TNXB: variants seen among roughly 807,000 people sequenced by gnomAD.
TNXB encodes the protein tenascin XB.
A neutral mutation model predicts 340.5 loss-of-function variants in TNXB; 183 were observed. The ratio of observed to expected loss-of-function variants is 0.54; its 90% CI spans 0.48 to 0.61. The LOEUF (loss-of-function observed/expected upper bound fraction) is 0.61. Ranked by LOEUF, TNXB falls within the 20% of genes least tolerant of loss-of-function variation. The pLI, the probability that TNXB is intolerant of heterozygous loss-of-function variation, is 0.00. For synonymous variants in TNXB, 2,121 were observed against 2,314.5 expected, an observed-to-expected ratio of 0.92 and a Z score of 2.40; for missense variants, 4,613 against 5,446.4, an observed-to-expected ratio of 0.85 and a Z score of 4.82.
rs141238334 is a variant in TNXB, at chr6:32,091,674, A to G, written c.2359-2295T>C. On this transcript the variant is annotated intron_variant, in intron 4 of 43. Transcript: ENST00000644971. ...TTTTTAGTAGAGATGGGGTTTCACT[A>G]TGTTGGTCAGGCTGTTCTCAAACTC... is the stretch of plus-strand genomic sequence containing the variant. Among the ~76,000 whole-genome samples the G allele has an allele frequency of 4.7e-3, 708 of 151,370 alleles. 4 individuals carry two copies. The highest frequency in any genetic ancestry group is 0.021 in the Middle Eastern group (6 of 292).
chr6:32,105,648 T>C (rs1182392314), intron 1 of TNXB, among the ~76,000 whole-genome samples: 1 of 152,178 alleles, frequency 6.6e-6, no homozygotes, highest in Non-Finnish European at 1.5e-5. Flanking sequence ...ACGGACAGTG[T>C]CTGGGACTGG....
At chr6:32,041,725 C>G (rs1166182809) in intron 43 of TNXB, 46 bp downstream of exon 43, 2 of 873,880 alleles carry the variant, frequency 2.3e-6, no homozygotes, top group African/African-American at 1.6e-5. Flanking sequence ...CCTAGGCAGG[C>G]CGAGCCCCAG....
chr6:32,079,235 G>A lies in TNXB; in HGVS notation c.4173C>T (p.Phe1391=). ...TGSSPDSLSL[F]WTVPQGSFDS... ...CGAAGCTGCCCTGGGGGACGGTCCA[G>A]AAGAGGCTCAGCGAATCAGGGGAGG... Residue 1391 remains phenylalanine (F), a synonymous_variant, in exon 11 of 44, where the codon TTC becomes TTT. Coordinates refer to ENST00000644971, the MANE Select transcript of TNXB (RefSeq NM_001365276.2). The surrounding 1 kb of genome is among the most constrained non-coding windows in gnomAD (Gnocchi z 7.1). 1 of 1,613,786 alleles carries A rather than the reference G, an allele frequency of 6.2e-7. No individual in the cohort carries two copies. The highest frequency in any genetic ancestry group is 8.5e-7 in the Non-Finnish European group (1 of 1,179,874).
intron 22 of TNXB, 113 bp downstream of exon 22, chr6:32,057,945 A>T (rs1777768262): frequency 7.2e-6 from 9 of 1,257,084 alleles, no homozygotes; most frequent in Non-Finnish European, 8.6e-6. Context: ...TAATGTTGCT[A>T]TATTCCTTTC....
At position 32,096,252 on chromosome 6, in the gene TNXB, C is replaced by G; in HGVS notation, c.1601G>C (p.Gly534Ala). Residue 534 changes from glycine to alanine, a missense_variant, in exon 3 of 44, where the codon GGG (glycine) becomes GCG (alanine). By Grantham distance (60) the Gly-to-Ala change is moderately conservative. Transcript: ENST00000644971. ...GSRRCPGDCRGHGLCEDGVCV... is the reference protein window; with the variant it reads ...GSRRCPGDCRAHGLCEDGVCV... Reference sequence around the variant, plus strand: ...CACGCCATCCTCGCAAAGGCCGTGCCCACGGCAGTCCCCGGGACAGCGACG... The same window carrying G: ...CACGCCATCCTCGCAAAGGCCGTGCGCACGGCAGTCCCCGGGACAGCGACG... 6.4e-7 allele frequency: 1 copy of G among 1,566,500 alleles called. No individual in the cohort carries two copies. The highest frequency in any genetic ancestry group is 8.6e-7 in the Non-Finnish European group (1 of 1,159,916).
chr6:32,092,860 C>A (rs1216130230), intron 4 of TNXB, among the ~76,000 whole-genome samples: 2 of 152,170 alleles, frequency 1.3e-5, no homozygotes, highest in Non-Finnish European at 2.9e-5. Context: ...GTGTTTTCCA[C>A]ACCCAGGCTC....
Position 32,069,101 on chromosome 6 carries a change from G to GGGCCGT in TNXB, c.5617_5622dup (p.Thr1873_Ala1874dup). 1 of 1,611,304 alleles carries GGGCCGT rather than the reference G, an allele frequency of 6.2e-7. No individual in the cohort carries two copies. Among genetic ancestry groups the GGGCCGT allele is most frequent in the Middle Eastern group, 1.7e-4 (1 of 6,056 alleles). On this transcript the variant is annotated inframe_insertion, in exon 16 of 44. Coordinates refer to ENST00000644971, the MANE Select transcript of TNXB (RefSeq NM_001365276.2). The surrounding 1 kb of genome is among the most constrained non-coding windows in gnomAD (Gnocchi z 6.2). ...TGGGGCTCAGGCGCTGGAGGGGTCG[G>GGGCCGT]GGCCGTGGTCTCAGTTTCCGTTTCT...
chr6:32,088,747 G>A, intron 6 of TNXB, 38 bp downstream of exon 6: 1 of 1,540,684 alleles, frequency 6.5e-7, no homozygotes, highest in East Asian at 2.4e-5. Context: ...CCAAGGCTGG[G>A]AAACCAGGGC....
intron 35 of TNXB, 59 bp downstream of exon 35, chr6:32,043,690 T>G: frequency 6.2e-7 from 1 of 1,612,398 alleles, no homozygotes; most frequent in South Asian, 1.1e-5. Context: ...CTCTCTCAAC[T>G]CCCACCCATG....
rs572826877 is a variant in TNXB at position 32,062,105 on chromosome 6, A to T, written c.7168+52T>A. 137 of 1,567,442 alleles carry T rather than the reference A, an allele frequency of 8.7e-5. No individual in the cohort carries two copies. The Middle Eastern group carries it at 1.2e-3, about 14-fold the overall frequency. On this transcript the variant is annotated intron_variant, in intron 20 of 43. Coordinates refer to ENST00000644971, the MANE Select transcript of TNXB (RefSeq NM_001365276.2). The surrounding 1 kb of genome is among the most constrained non-coding windows in gnomAD (Gnocchi z 4.3). ...CCCCACCAGTCATCACCAAAGAGCA[A>T]GAGGGTGACCCTCCCATGGCTCCCA...
rs781750344 is a variant in TNXB at position 32,072,222 on chromosome 6, C to T, written c.4758G>A (p.Thr1586=). The change falls in exon 13 of 44, where the codon ACG becomes ACA. Residue 1586 remains threonine (T), a synonymous_variant. Transcript: ENST00000644971. This position sits in a 1 kb window ranked among gnomAD's most constrained non-coding sequence, Gnocchi z 4.4. Reference sequence around the variant, plus strand: ...GGCCCACAGAGTCAGGGGTTATATCCGTCACTGTCAGCTCCCCTAGGCGTG... The same window carrying T: ...GGCCCACAGAGTCAGGGGTTATATCTGTCACTGTCAGCTCCCCTAGGCGTG... ...LEPRLGELTV[T]DITPDSVGLS... 8 of 1,611,064 alleles carry T rather than the reference C, an allele frequency of 5.0e-6. No homozygotes were observed. Among genetic ancestry groups the T allele is most frequent in the South Asian group, 2.2e-5 (2 of 90,450 alleles).
rs1179436412 is a variant in TNXB at position 32,095,626 on chromosome 6, C to T, written c.2227G>A (p.Glu743Lys). Residue 743 changes from glutamate (E) to lysine (K), a missense_variant, in exon 3 of 44, where the codon GAA becomes AAA. By Grantham distance (56) the Glu-to-Lys change is moderately conservative. This residue lies in a region of TNXB where 4,327 missense variants were observed against 4,859.4 expected (regional missense o/e 0.89). Coordinates refer to ENST00000644971, the MANE Select transcript of TNXB (RefSeq NM_001365276.2). ...GCCTGCTCACCTTCTCCGCAGTCTT[C>T]GCCAGCATACCCATCTTTGCAGACA... is the stretch of plus-strand genomic sequence containing the variant. ...SCVCKDGYAG[E>K]DCGEEVPTIE... The T allele has an allele frequency of 5.0e-6, 8 of 1,612,726 alleles. No homozygotes were observed. The highest frequency in any genetic ancestry group is 2.7e-5 in the African/African-American group (2 of 74,928).
In TNXB at chr6:32,108,190, T is replaced by C. The variant is rs1781069620; in HGVS notation, c.-9+991A>G. Among the ~76,000 whole-genome samples, 2 of 152,078 alleles carry C rather than the reference T, an allele frequency of 1.3e-5. No homozygotes were observed. Among genetic ancestry groups the C allele is most frequent in the South Asian group, 4.1e-4 (2 of 4,822 alleles). On this transcript the variant is annotated intron_variant, in intron 1 of 43. Coordinates refer to ENST00000644971, the MANE Select transcript of TNXB (RefSeq NM_001365276.2). The surrounding 1 kb of genome is among the most constrained non-coding windows in gnomAD (Gnocchi z 4.8). ...CAGGGAAAAGAGGAGGGGCTGGAGA[T>C]GCGGGAAGCAGGGGCAGGGCAGGCA...
intron 22 of TNXB, 26 bp from the exon 23 acceptor site, chr6:32,056,929 G>C: frequency 6.2e-7 from 1 of 1,604,988 alleles, no homozygotes; most frequent in South Asian, 1.1e-5. Context: ...CACGTGTGGG[G>C]ACAGTGAGGT....
At position 32,081,269 on chromosome 6, in the gene TNXB, G is replaced by T; in HGVS notation, c.4042+99C>A. On this transcript the variant is annotated intron_variant, in intron 10 of 43. Coordinates refer to ENST00000644971, the MANE Select transcript of TNXB (RefSeq NM_001365276.2). This position sits in a 1 kb window ranked among gnomAD's most constrained non-coding sequence, Gnocchi z 5.1. ...GGTGGAGGCTTTGGCAAAATGAGCT[G>T]AGAAGGCGAAGATGGAGGGAGGCTG... 1 of 1,257,158 alleles carries T rather than the reference G, an allele frequency of 8.0e-7. No individual in the cohort carries two copies. The highest frequency in any genetic ancestry group is 1.1e-6 in the Non-Finnish European group (1 of 915,764). 77.9% of individuals were successfully genotyped at this position (1,257,158 alleles called of 1,614,324 possible).
chr6:32,079,189 T>C lies in TNXB; in HGVS notation c.4219A>G (p.Lys1407Glu), dbSNP rs760422687. The change falls in exon 11 of 44, where the codon AAG becomes GAG. Residue 1407 changes from lysine to glutamate, a missense_variant. By Grantham distance (56) the Lys-to-Glu change is moderately conservative. Coordinates refer to ENST00000644971, the MANE Select transcript of TNXB (RefSeq NM_001365276.2). The surrounding 1 kb of genome is among the most constrained non-coding windows in gnomAD (Gnocchi z 7.1). ...GSFDSFTVQYKDRDGRPRAVR... is the reference protein window; with the variant it reads ...GSFDSFTVQYEDRDGRPRAVR... ...GCCCGGGGCCGCCCATCCCTGTCCT[T>C]GTACTGCACGGTGAAAGAGTCGAAG... The C allele has an allele frequency of 1.9e-6, 3 of 1,613,856 alleles. No individual in the cohort carries two copies. Among genetic ancestry groups the C allele is most frequent in the South Asian group, 1.1e-5 (1 of 91,078 alleles).
Position 32,068,638 on chromosome 6 carries a change from C to T in TNXB, c.5972G>A (p.Gly1991Glu). 2 of 1,613,890 alleles carry T rather than the reference C, an allele frequency of 1.2e-6. No homozygotes were observed. The highest frequency in any genetic ancestry group is 1.7e-6 in the Non-Finnish European group (2 of 1,179,882). ...TPEPPIKPRL[G>E]ELTVTDATPD... ...GGTGGCATCTGTCACGGTCAGCTCC[C>T]CCAGGCGAGGCTTGATGGGGGGCTC... Residue 1991 changes from glycine to glutamate, a missense_variant, in exon 17 of 44, where the codon GGG (glycine) becomes GAG (glutamate). Physicochemically the swap from Gly to Glu is moderately conservative, Grantham distance 98. Transcript: ENST00000644971. The surrounding 1 kb of genome is among the most constrained non-coding windows in gnomAD (Gnocchi z 5.3).
chr6:32,052,767 G>A lies in TNXB; in HGVS notation c.9018C>T (p.Thr3006=), dbSNP rs542220442. Residue 3006 remains threonine, a synonymous_variant, in exon 26 of 44, where the codon ACC becomes ACT. Transcript: ENST00000644971. The surrounding 1 kb of genome is among the most constrained non-coding windows in gnomAD (Gnocchi z 4.7). ...TGCACCCGGGCTCCAGGCCCCCCACGGTGACCTCGCTCTCCTCGCCCCTGA... is the reference window on the plus strand; with the variant it reads ...TGCACCCGGGCTCCAGGCCCCCCACAGTGACCTCGCTCTCCTCGCCCCTGA... The part of the protein sequence containing the change: ...VRVRGEESEV[T]VGGLEPGCKY... 50 of 1,613,770 alleles carry A rather than the reference G, an allele frequency of 3.1e-5. 1 individual carries two copies. In the South Asian group the frequency reaches 3.3e-4, roughly 11 times the overall value.
chr6:32,050,082 C>T lies in TNXB; in HGVS notation c.9355G>A (p.Glu3119Lys). 6.2e-7 allele frequency: 1 copy of T among 1,613,752 alleles called. No individual in the cohort carries two copies. Among genetic ancestry groups the T allele is most frequent in the Non-Finnish European group, 8.5e-7 (1 of 1,179,892 alleles). ...HEDGVTISGL[E>K]PDHKYKMNLY... The stretch of plus-strand genomic sequence containing the variant: ...TTCATCTTGTATTTATGGTCTGGCT[C>T]CAGGCCTGAGATGGTGACCCCGTCC... Residue 3119 changes from glutamate (E) to lysine (K), a missense_variant, in exon 27 of 44, where the codon GAG becomes AAG. Glu to Lys is a moderately conservative substitution (Grantham distance 56). This residue lies in a region of TNXB where 4,327 missense variants were observed against 4,859.4 expected (regional missense o/e 0.89). Transcript: ENST00000644971.
Sources: gnomAD v4.1 joint callset for allele counts (sites outside exome capture counted in the v4.1 genomes callset) on GRCh38, gnomAD v4.1.1 for gene constraint, gnomAD v4.1.1 regional missense constraint, Gnocchi (gnomAD v3.1) non-coding constraint, MANE v1.5 for transcripts, NCBI Gene and HGNC (gene_info 2026-07-23, HGNC 2026-07-21) for gene names.